The following PRR16 variants were observed in gnomAD, a reference collection of about 807,000 sequenced individuals.
The protein encoded by PRR16 is proline rich 16, also known as protein Largen.
In PRR16, 6 loss-of-function variants were observed where a neutral mutation model predicts 18.2. The observed-to-expected ratio is 0.33, with a 90% CI of 0.18 to 0.65. PRR16 has a LOEUF of 0.65. PRR16 is among the 30% of genes least tolerant of loss of function. The pLI, the probability that PRR16 is intolerant of heterozygous loss-of-function variation, is 0.74. For synonymous variants in PRR16, 151 were observed against 147.8 expected (o/e 1.02, Z -0.16); for missense variants, 412 against 376.6 (o/e 1.09, Z -0.78).
the PRR16 span, among the ~76,000 whole-genome samples, chr5:120,786,157 C>A: frequency 6.7e-6 from 1 of 150,208 alleles, no homozygotes; most frequent in Non-Finnish European, 1.5e-5. Flanking sequence ...TTATGAGTCA[C>A]AAAATCTTGT....
intron 1 of PRR16, among the ~76,000 whole-genome samples, chr5:120,641,639 GACT>G (rs1475072900): frequency 1.3e-5 from 2 of 151,998 alleles, no homozygotes; most frequent in African/African-American, 4.8e-5. Context: ...AACTGCCCTT[GACT>G]ACCTTGGGCT....
intron 1 of PRR16, among the ~76,000 whole-genome samples, chr5:120,488,061 T>G (rs1268968443): frequency 6.6e-6 from 1 of 152,234 alleles, no homozygotes; most frequent in Non-Finnish European, 1.5e-5. Context: ...AGTATTTTAT[T>G]GAGGATTTTT....
At chr5:120,702,849 C>T in the PRR16 span, among the ~76,000 whole-genome samples, 253 of 152,246 alleles carry the variant, frequency 1.7e-3, no homozygotes, top group Non-Finnish European at 2.4e-3. Flanking sequence ...TTGGGCTGGT[C>T]GGTCTGAGGA....
the PRR16 span, among the ~76,000 whole-genome samples, chr5:120,762,988 T>A: frequency 1.3e-5 from 2 of 152,162 alleles, no homozygotes; most frequent in Non-Finnish European, 2.9e-5. Context: ...TGCATATGAA[T>A]ATCCAGTTTT....
chr5:120,665,975 T>G (rs2150142030), intron 1 of PRR16, among the ~76,000 whole-genome samples: 1 of 152,132 alleles, frequency 6.6e-6, no homozygotes, highest in East Asian at 1.9e-4. Flanking sequence ...TTTAAAGTAG[T>G]TTTTTCCAAT....
intron 1 of PRR16, among the ~76,000 whole-genome samples, chr5:120,492,245 C>T (rs137988860): frequency 1.7e-3 from 215 of 126,028 alleles, no homozygotes; most frequent in Middle Eastern, 7.4e-3. Flanking sequence ...TCCCCATGCC[C>T]GCTAATTTGA....
intron 1 of PRR16, among the ~76,000 whole-genome samples, chr5:120,517,537 A>G (rs1751037601): frequency 6.6e-6 from 1 of 152,190 alleles, no homozygotes; most frequent in African/African-American, 2.4e-5. Flanking sequence ...CATAAATCGT[A>G]AGGAAAGAAA....
chr5:120,769,581 T>C, the PRR16 span, among the ~76,000 whole-genome samples: 2 of 151,942 alleles, frequency 1.3e-5, no homozygotes, highest in Non-Finnish European at 2.9e-5. Context: ...ATTCTATGTA[T>C]GTACCATATT....
intron 1 of PRR16, among the ~76,000 whole-genome samples, chr5:120,661,933 A>G (rs567552101): frequency 6.6e-6 from 1 of 152,172 alleles, no homozygotes; most frequent in East Asian, 1.9e-4. Context: ...CAATTTGACT[A>G]TTTGCAGGGA....
At chr5:120,645,709 A>C (rs962481312) in intron 1 of PRR16, among the ~76,000 whole-genome samples, 2 of 151,982 alleles carry the variant, frequency 1.3e-5, no homozygotes, top group African/African-American at 4.8e-5. Context: ...CAAAAGCCCA[A>C]TTATTTTCTC....
chr5:120,610,483 T>C (rs1754297743), intron 1 of PRR16, among the ~76,000 whole-genome samples: 1 of 152,106 alleles, frequency 6.6e-6, no homozygotes, highest in Non-Finnish European at 1.5e-5. Flanking sequence ...TTGAGTTACA[T>C]GTCTCAGGAT....
chr5:120,531,073 T>C (rs1751535575), intron 1 of PRR16, among the ~76,000 whole-genome samples: 1 of 152,222 alleles, frequency 6.6e-6, no homozygotes, highest in Non-Finnish European at 1.5e-5. Context: ...TTCTCATTGC[T>C]TAGCTTAACT....
At chr5:120,477,733 C>T (rs1244629373) in intron 1 of PRR16, among the ~76,000 whole-genome samples, 2 of 152,178 alleles carry the variant, frequency 1.3e-5, no homozygotes, top group African/African-American at 2.4e-5. Flanking sequence ...GTCCTCCCTT[C>T]CTTGTTATGG....
intron 1 of PRR16, among the ~76,000 whole-genome samples, chr5:120,516,294 G>A (rs1352931606): frequency 3.9e-5 from 6 of 151,982 alleles, no homozygotes; most frequent in South Asian, 2.1e-4. Context: ...GTGTGGTGGC[G>A]GGTACCTGTA....
chr5:120,754,580 T>TATC, the PRR16 span, among the ~76,000 whole-genome samples: 1 of 111,200 alleles, frequency 9.0e-6, no homozygotes, highest in Non-Finnish European at 1.7e-5. Flanking sequence ...ATTTATATTT[T>TATC]ATATATTATA....
the PRR16 span, among the ~76,000 whole-genome samples, chr5:120,768,786 G>A: frequency 2.2e-4 from 34 of 151,876 alleles, no homozygotes; most frequent in African/African-American, 8.2e-4. Flanking sequence ...GTAAGAGCAA[G>A]AAAATAATCT....
chr5:120,600,563 T>G (rs1753949850), intron 1 of PRR16, among the ~76,000 whole-genome samples: 1 of 151,952 alleles, frequency 6.6e-6, no homozygotes, highest in African/African-American at 2.4e-5. Flanking sequence ...TATTTAATTT[T>G]ATAATTTCTC....
chr5:120,664,563 C>T (rs139523190), intron 1 of PRR16, among the ~76,000 whole-genome samples: 2,011 of 151,756 alleles, frequency 0.013, 17 homozygotes, highest in Non-Finnish European at 0.02. Flanking sequence ...CCCATTACCT[C>T]GTCATTTAGC....
chr5:120,725,972 C>T, the PRR16 span, among the ~76,000 whole-genome samples: 12 of 152,010 alleles, frequency 7.9e-5, no homozygotes, highest in Admixed American at 2.6e-4. Flanking sequence ...CTGTGGGTGA[C>T]GTAGTCATGC....
Sources: gnomAD v4.1 joint callset for allele counts (sites outside exome capture counted in the v4.1 genomes callset) on GRCh38, gnomAD v4.1.1 for gene constraint, MANE v1.5 for transcripts, NCBI Gene and HGNC (gene_info 2026-07-23, HGNC 2026-07-21) for gene names.